The following NTRK3 variants were observed in gnomAD, a reference collection of about 807,000 sequenced individuals.
The protein encoded by NTRK3 is NT-3 growth factor receptor.
In NTRK3, 24 loss-of-function variants were observed where a neutral mutation model predicts 91.7. The ratio of observed to expected loss-of-function variants is 0.26; its 90% CI spans 0.19 to 0.37. The LOEUF is 0.37. NTRK3 is among the 10% of genes least tolerant of loss of function. The pLI, the probability that NTRK3 is intolerant of heterozygous loss-of-function variation, is 1.00. For synonymous variants in NTRK3, 483 were observed against 404.0 expected (o/e 1.20, Z -2.34); for missense variants, 880 against 1,068.9 (o/e 0.82, Z 2.46).
chr15:88,210,129 T>C (rs1056556101), intron 3 of NTRK3: 1 of 152,198 alleles, frequency 6.6e-6, no homozygotes, highest in African/African-American at 2.4e-5. Flanking sequence ...TGCAATGATG[T>C]ACAAGTGTTT....
intron 4 of NTRK3, 117 bp downstream of exon 4, chr15:88,184,107 TG>T: frequency 2.0e-6 from 2 of 991,938 alleles, no homozygotes; most frequent in Non-Finnish European, 3.1e-6. Context: ...AAAGAAGACC[TG>T]GGGGAGAAAG....
chr15:88,193,617 G>A (rs1048161147), intron 3 of NTRK3, among the ~76,000 whole-genome samples: 5 of 152,164 alleles, frequency 3.3e-5, no homozygotes, highest in African/African-American at 1.2e-4. Flanking sequence ...GTGACCACTA[G>A]GCGAATAAAT....
Position 88,214,758 on chromosome 15 carries a change from C to T in NTRK3, c.249-30459G>A, listed in dbSNP as rs918741017. ...CAAGCAAGATGCAACCTCTCTGGAACGCCTTCCCATACGAGCCCAGCTTTG... is the reference window on the plus strand; with the variant it reads ...CAAGCAAGATGCAACCTCTCTGGAATGCCTTCCCATACGAGCCCAGCTTTG... On this transcript the variant is annotated intron_variant, in intron 3 of 18. Transcript: ENST00000394480. Among the ~76,000 whole-genome samples the T allele has an allele frequency of 1.3e-4, 20 of 152,084 alleles. No individual in the cohort carries two copies. The East Asian group carries it at 3.1e-3, about 24-fold the overall frequency.
At chr15:87,887,465 T>A (rs1482990534) in intron 17 of NTRK3, among the ~76,000 whole-genome samples, 2 of 152,188 alleles carry the variant, frequency 1.3e-5, no homozygotes, top group Non-Finnish European at 2.9e-5. Context: ...AATGAGATTA[T>A]GTATGTAAAA....
intron 5 of NTRK3, among the ~76,000 whole-genome samples, chr15:88,175,749 A>G (rs1045009163): frequency 6.6e-6 from 1 of 152,200 alleles, no homozygotes; most frequent in Non-Finnish European, 1.5e-5. Flanking sequence ...TCTTGCTAAC[A>G]ACCATATTAT....
In NTRK3 at chr15:88,176,136, C is replaced by T. The variant is rs113796940; in HGVS notation, c.395+7282G>A. Among the ~76,000 whole-genome samples the T allele has an allele frequency of 2.1e-3, 248 of 115,984 alleles. 1 individual carries two copies. Among genetic ancestry groups the T allele is most frequent in the African/African-American group, 5.7e-3 (158 of 27,556 alleles). 76.1% of individuals were successfully genotyped at this position (115,984 alleles called of 152,430 possible). A position where few individuals can be genotyped will look rare whatever the true frequency, so the allele number is the denominator to read the frequency against. On this transcript the variant is annotated intron_variant, in intron 5 of 18. Coordinates refer to ENST00000394480, the Ensembl canonical transcript of NTRK3. ...TGTAATATTTGCCTATATGCCCCTT[C>T]TTTTTTTTTTTTTTTTTTTGAGACA... is the stretch of plus-strand genomic sequence containing the variant.
intron 3 of NTRK3, among the ~76,000 whole-genome samples, chr15:88,236,514 TAAAAAAAAA>T (rs60187446): frequency 3.4e-3 from 181 of 53,778 alleles, no homozygotes; most frequent in African/African-American, 0.011. Context: ...CCTCTATTAT[TAAAAAAAAA>T]AAAAAAAAAA....
At chr15:88,054,392 G>A (rs1051999967) in intron 13 of NTRK3, among the ~76,000 whole-genome samples, 6 of 152,066 alleles carry the variant, frequency 3.9e-5, no homozygotes, top group African/African-American at 1.2e-4. Context: ...CCTCATTCCT[G>A]GCATTCAGCC....
At chr15:88,104,911 A>C (rs1307194775) in intron 13 of NTRK3, among the ~76,000 whole-genome samples, 1 of 151,948 alleles carries the variant, frequency 6.6e-6, no homozygotes, top group African/African-American at 2.4e-5. Context: ...GAGCACCCTT[A>C]CTCTGCTTCT....
At chr15:88,071,990 G>A (rs2047124609) in intron 13 of NTRK3, among the ~76,000 whole-genome samples, 1 of 151,362 alleles carries the variant, frequency 6.6e-6, no homozygotes, top group Non-Finnish European at 1.5e-5. Context: ...CAGACCCCAG[G>A]CAAAATCAAA....
At chr15:88,127,388 C>A (rs1000097896) in intron 11 of NTRK3, among the ~76,000 whole-genome samples, 162 bp from the exon 12 acceptor site, 4 of 151,884 alleles carry the variant, frequency 2.6e-5, no homozygotes, top group Admixed American at 2.6e-4. Flanking sequence ...CTTTGCAGGA[C>A]CCCCCACCCC....
intron 3 of NTRK3, among the ~76,000 whole-genome samples, chr15:88,200,438 C>G (rs573453732): frequency 1.3e-5 from 2 of 152,292 alleles, no homozygotes; most frequent in Admixed American, 6.5e-5. Context: ...TGCCCCCACC[C>G]AAATCTCATC....
intron 14 of NTRK3, among the ~76,000 whole-genome samples, chr15:87,960,272 G>A (rs896306708): frequency 6.6e-6 from 1 of 152,126 alleles, no homozygotes; most frequent in Non-Finnish European, 1.5e-5. Context: ...ATTTCCCTCT[G>A]TCTTCAATTC....
At chr15:88,166,277 G>A (rs927777316) in intron 5 of NTRK3, among the ~76,000 whole-genome samples, 4 of 152,212 alleles carry the variant, frequency 2.6e-5, no homozygotes, top group African/African-American at 9.6e-5. Context: ...GAAGGCAGAA[G>A]TGGAAGGGGC....
intron 14 of NTRK3, among the ~76,000 whole-genome samples, chr15:88,002,816 C>CA (rs141328908): frequency 0.021 from 3,179 of 151,788 alleles, 111 homozygotes; most frequent in African/African-American, 0.073. Flanking sequence ...CTCAGCCTAT[C>CA]ACAACTACGG....
intron 13 of NTRK3, among the ~76,000 whole-genome samples, chr15:88,043,871 A>G (rs1203699102): frequency 6.6e-6 from 1 of 152,100 alleles, no homozygotes; most frequent in Non-Finnish European, 1.5e-5. Context: ...TCCTAACTAG[A>G]TATGTCACCC....
At chr15:88,124,090 C>G (rs190700676) in intron 13 of NTRK3, among the ~76,000 whole-genome samples, 24 of 152,142 alleles carry the variant, frequency 1.6e-4, no homozygotes, top group Non-Finnish European at 3.4e-4. Context: ...ACTTATTTAT[C>G]CTAAAGTGAG....
intron 18 of NTRK3, among the ~76,000 whole-genome samples, chr15:87,877,654 T>C (rs1336589278): frequency 2.6e-5 from 4 of 152,104 alleles, no homozygotes; most frequent in Non-Finnish European, 4.4e-5. Flanking sequence ...TCTGAGTCAT[T>C]ACATAGGACC....
Position 88,115,731 on chromosome 15 carries a change from T to C in NTRK3, c.1396+10540A>G, listed in dbSNP as rs577026691. Among the ~76,000 whole-genome samples the C allele has an allele frequency of 5.9e-5, 9 of 152,198 alleles. No individual in the cohort carries two copies. In the East Asian group the frequency reaches 1.6e-3, roughly 26 times the overall value. On this transcript the variant is annotated intron_variant, in intron 13 of 18. Coordinates refer to ENST00000394480, the Ensembl canonical transcript of NTRK3. ...CAGTAAATTGGAGGGCAGGGCAGGC[T>C]TTCAGTGTGAATACCAACCGCCAGA...
Sources: gnomAD v4.1 joint callset for allele counts (sites outside exome capture counted in the v4.1 genomes callset) on GRCh38, gnomAD v4.1.1 for gene constraint, MANE v1.5 for transcripts, NCBI Gene and HGNC (gene_info 2026-07-23, HGNC 2026-07-21) for gene names.